SULF1: variants seen among roughly 807,000 people sequenced by gnomAD.
SULF1 encodes sulfatase 1.
A neutral mutation model predicts 110.5 loss-of-function variants in SULF1; 46 were observed. The ratio of observed to expected loss-of-function variants is 0.42; its 90% CI spans 0.33 to 0.53. SULF1 has a LOEUF of 0.53. SULF1 is among the 20% of genes least tolerant of loss of function. The probability of loss-of-function intolerance (pLI) is 0.12; values close to 1 mark genes in which losing one functional copy is unlikely to be tolerated. For synonymous variants in SULF1, 371 were observed against 387.1 expected, an observed-to-expected ratio of 0.96 and a Z score of 0.49; for missense variants, 941 against 1,094.2, an observed-to-expected ratio of 0.86 and a Z score of 1.98.
intron 6 of SULF1, 38 bp downstream of exon 6, chr8:69,576,247 A>T (rs1201228004): frequency 6.3e-6 from 10 of 1,598,762 alleles, no homozygotes; most frequent in African/African-American, 1.3e-5. Flanking sequence ...ACGTCTTGTA[A>T]TATGTCTTAG....
chr8:69,497,411 C>T (rs1810443196), intron 2 of SULF1, among the ~76,000 whole-genome samples: 1 of 152,136 alleles, frequency 6.6e-6, no homozygotes, highest in African/African-American at 2.4e-5. Flanking sequence ...CCACCTCACC[C>T]TCCCAAAGTG....
intron 19 of SULF1, among the ~76,000 whole-genome samples, chr8:69,633,292 A>C (rs1276199978): frequency 7.3e-5 from 11 of 150,268 alleles, no homozygotes; most frequent in Non-Finnish European, 1.5e-5. Context: ...GGTTCCATAG[A>C]TGTGCTTCAC....
intron 2 of SULF1, among the ~76,000 whole-genome samples, chr8:69,499,626 A>G (rs1810649288): frequency 6.6e-6 from 1 of 152,222 alleles, no homozygotes; most frequent in South Asian, 2.1e-4. Context: ...ACAAACCTTC[A>G]TACAACACAG....
At chr8:69,634,157 T>C (rs912327582) in intron 19 of SULF1, among the ~76,000 whole-genome samples, 8 of 152,220 alleles carry the variant, frequency 5.3e-5, no homozygotes, top group Admixed American at 2.0e-4. Flanking sequence ...ATCTGGTTCA[T>C]TCAATTCAAT....
chr8:69,488,903 G>A (rs748832903), upstream of SULF1, among the ~76,000 whole-genome samples: 8 of 152,088 alleles, frequency 5.3e-5, no homozygotes, highest in Non-Finnish European at 1.0e-4. Flanking sequence ...GAGGCTCCCC[G>A]GGGAAGGTGT....
At chr8:69,604,224 T>TACCA (rs1808046620) in intron 12 of SULF1, among the ~76,000 whole-genome samples, 2 of 151,908 alleles carry the variant, frequency 1.3e-5, no homozygotes, top group Non-Finnish European at 2.9e-5. Flanking sequence ...GATTTACTGT[T>TACCA]GCATTTCTCA....
At chr8:69,597,802 T>C (rs138920020) in intron 8 of SULF1, among the ~76,000 whole-genome samples, 19 of 152,310 alleles carry the variant, frequency 1.2e-4, no homozygotes, top group Non-Finnish European at 2.6e-4. Context: ...TAGAGGATGT[T>C]TAGGTATTAT....
At chr8:69,629,787 G>GA in intron 19 of SULF1, 108 bp downstream of exon 19, 1 of 1,020,742 alleles carries the variant, frequency 9.8e-7, no homozygotes, top group Admixed American at 2.4e-5. Flanking sequence ...AGATTCAAGA[G>GA]AAAGGCATCA....
intron 3 of SULF1, among the ~76,000 whole-genome samples, chr8:69,543,078 A>T (rs1813970914): frequency 1.3e-5 from 2 of 152,212 alleles, no homozygotes; most frequent in South Asian, 4.1e-4. Flanking sequence ...ATAGAGATTT[A>T]GCAACCATCC....
intron 22 of SULF1, among the ~76,000 whole-genome samples, chr8:69,652,385 T>A (rs953804927): frequency 4.6e-5 from 7 of 152,230 alleles, no homozygotes; most frequent in African/African-American, 1.7e-4. Flanking sequence ...TTATCCTTGC[T>A]TCGTGAAAAG....
chr8:69,639,795 G>A (rs971025925), intron 21 of SULF1, among the ~76,000 whole-genome samples: 1 of 152,166 alleles, frequency 6.6e-6, no homozygotes, highest in African/African-American at 2.4e-5. Context: ...GCCTTGAAAG[G>A]GGTAGGGATT....
At chr8:69,544,681 T>A (rs988888053) in intron 3 of SULF1, among the ~76,000 whole-genome samples, 2 of 152,182 alleles carry the variant, frequency 1.3e-5, no homozygotes, top group African/African-American at 4.8e-5. Context: ...AAAGTCCTAT[T>A]TGCATGAGTG....
intron 13 of SULF1, among the ~76,000 whole-genome samples, chr8:69,613,758 T>C (rs1808855648): frequency 6.6e-6 from 1 of 152,122 alleles, no homozygotes; most frequent in Admixed American, 6.5e-5. Context: ...TTGCCCAGGA[T>C]TGGATAAACT....
intron 3 of SULF1, among the ~76,000 whole-genome samples, chr8:69,537,075 C>T (rs1002856834): frequency 2.0e-5 from 3 of 152,220 alleles, no homozygotes; most frequent in Admixed American, 6.5e-5. Flanking sequence ...CTGGCTTATA[C>T]TCTGTGCCCA....
intron 3 of SULF1, among the ~76,000 whole-genome samples, chr8:69,558,220 A>G (rs1008661336): frequency 2.6e-5 from 4 of 152,216 alleles, no homozygotes; most frequent in South Asian, 2.1e-4. Context: ...GTAGACAGCA[A>G]TGTAGGATGG....
chr8:69,576,255 T>C (rs376977797), intron 6 of SULF1, 46 bp downstream of exon 6: 19 of 1,570,780 alleles, frequency 1.2e-5, no homozygotes, highest in African/African-American at 2.7e-5. Context: ...TAATATGTCT[T>C]AGACTCAGGA....
intron 3 of SULF1, among the ~76,000 whole-genome samples, chr8:69,561,818 A>T (rs978581683): frequency 6.6e-6 from 1 of 152,212 alleles, no homozygotes; most frequent in African/African-American, 2.4e-5. Flanking sequence ...CTTTGTGAGA[A>T]CAAGCCATTG....
chr8:69,526,837 GGAAGGGAGGA>G (rs1563498456), intron 3 of SULF1, among the ~76,000 whole-genome samples: 1 of 142,644 alleles, frequency 7.0e-6, no homozygotes, highest in African/African-American at 2.9e-5. Context: ...AAGGAAGGAA[GGAAGGGAGGA>G]AGGAAGGAAG....
chr8:69,594,394 G>A (rs1807147939), intron 8 of SULF1, among the ~76,000 whole-genome samples: 1 of 146,668 alleles, frequency 6.8e-6, no homozygotes, highest in Non-Finnish European at 1.5e-5. Context: ...ACCTGTAAAT[G>A]TGTGTGACTG....
Sources: allele counts gnomAD v4.1 joint callset (sites outside exome capture counted in the v4.1 genomes callset), GRCh38; gene constraint gnomAD v4.1.1; transcripts MANE v1.5; gene names NCBI Gene and HGNC (gene_info 2026-07-23, HGNC 2026-07-21).